Variants in FAM149A observed in about 807,000 individuals in gnomAD.
FAM149A encodes the protein protein FAM149A.
In FAM149A, 71 loss-of-function variants were observed where a neutral mutation model predicts 78.2. The observed-to-expected ratio is 0.91, with a 90% CI of 0.75 to 1.11. FAM149A has a LOEUF of 1.11. Ranked by LOEUF, FAM149A falls within the 50% of genes least tolerant of loss-of-function variation. The probability of loss-of-function intolerance (pLI) is 0.00; values close to 1 mark genes in which losing one functional copy is unlikely to be tolerated. For missense variants in FAM149A, 1,036 were observed against 971.0 expected, an observed-to-expected ratio of 1.07 and a Z score of -0.89; for synonymous variants, 446 against 410.5, an observed-to-expected ratio of 1.09 and a Z score of -1.04.
intron 1 of FAM149A, chr4:186,110,033 C>G (rs1044083954): frequency 1.0e-6 from 1 of 985,296 alleles, no homozygotes; most frequent in Non-Finnish European, 1.2e-6. Context: ...TAGCCCTTGT[C>G]TTTTCCTCCA....
At position 186,156,001 on chromosome 4, in the gene FAM149A, G is replaced by T; in HGVS notation, c.1231G>T (p.Asp411Tyr). The T allele has an allele frequency of 6.2e-7, 1 of 1,609,674 alleles. No individual in the cohort carries two copies. The change falls in exon 7 of 14, where the codon GAT (aspartate) becomes TAT (tyrosine). Residue 411 changes from aspartate (D) to tyrosine (Y), a missense_variant and splice_region_variant. Around this residue, in one of 3 missense-constraint regions of FAM149A, gnomAD observed 716 missense variants for 711.8 expected, o/e 1.01. Coordinates refer to ENST00000389354, the MANE Select transcript of FAM149A (RefSeq NM_001367768.3). ...ATTGGAGTGGGTTTTTATTCTTAGT[G>T]ATGATGAATGTCTTGAACAAAAACC...
Position 186,144,698 on chromosome 4 carries a change from A to T in FAM149A, c.567-4475A>T. On this transcript the variant is annotated intron_variant, in intron 1 of 13. Coordinates refer to ENST00000389354, the MANE Select transcript of FAM149A (RefSeq NM_001367768.3). The surrounding 1 kb of genome is among the most constrained non-coding windows in gnomAD (Gnocchi z 4.2). Reference sequence around the variant, plus strand: ...AACCCGGCCCGGCAGGGAGCGGGGAAGGCGCGCTTTCCCGGAGGTCGGCGC... The same window carrying T: ...AACCCGGCCCGGCAGGGAGCGGGGATGGCGCGCTTTCCCGGAGGTCGGCGC... The T allele has an allele frequency of 1.7e-6, 1 of 578,790 alleles. No individual in the cohort carries two copies. Among genetic ancestry groups the T allele is most frequent in the Non-Finnish European group, 2.2e-6 (1 of 458,568 alleles). The allele number at this position is 578,790 out of a possible 1,614,324, so 35.9% of individuals were successfully genotyped here. A position where few individuals can be genotyped will look rare whatever the true frequency, so the allele number is the denominator to read the frequency against.
chr4:186,150,413 CTT>C (rs750482571), intron 3 of FAM149A, among the ~76,000 whole-genome samples: 107 of 84,244 alleles, frequency 1.3e-3, no homozygotes, highest in African/African-American at 5.7e-3. Flanking sequence ...CTCTCTGTCT[CTT>C]TTTTTTTTTT....
intron 7 of FAM149A, among the ~76,000 whole-genome samples, chr4:186,156,979 A>G (rs989608964): frequency 1.3e-5 from 2 of 152,190 alleles, no homozygotes; most frequent in East Asian, 1.9e-4. Flanking sequence ...AGCAGTGCAT[A>G]TGCAGTCTGG....
Position 186,164,609 on chromosome 4 carries a change from C to A in FAM149A, c.1890-735C>A. On this transcript the variant is annotated intron_variant, in intron 10 of 13. Transcript: ENST00000389354. This position sits in a 1 kb window ranked among gnomAD's most constrained non-coding sequence, Gnocchi z 4.0. The stretch of plus-strand genomic sequence containing the variant: ...TGCTGATTCCTTCGAGATCCCTCTC[C>A]CTCCTCCGCCTCGCTTCCCCCCATG... 2.3e-6 allele frequency: 1 copy of A among 439,218 alleles called. No individual in the cohort carries two copies. Among genetic ancestry groups the A allele is most frequent in the Middle Eastern group, 1.2e-3 (1 of 856 alleles). The allele number at this position is 439,218 out of a possible 1,614,324, so 27.2% of individuals were successfully genotyped here.
At chr4:186,136,290 ATTC>A (rs1286916956) in intron 1 of FAM149A, among the ~76,000 whole-genome samples, 8 of 152,204 alleles carry the variant, frequency 5.3e-5, no homozygotes, top group Non-Finnish European at 8.8e-5. Flanking sequence ...TTTTTAGATT[ATTC>A]TTTTTTCACT....
Position 186,108,082 on chromosome 4 carries a change from G to C in FAM149A, c.566+2440G>C, listed in dbSNP as rs867689075. Among the ~76,000 whole-genome samples, 16 of 152,120 alleles carry C rather than the reference G, an allele frequency of 1.1e-4. 1 individual carries two copies. Among genetic ancestry groups the C allele is most frequent in the Admixed American group, 9.2e-4 (14 of 15,268 alleles). Reference sequence around the variant, plus strand: ...TATAACACCGAATAAACAAACATAAGACAATGAATTTAAATTTGCTCCTAC... The same window carrying C: ...TATAACACCGAATAAACAAACATAACACAATGAATTTAAATTTGCTCCTAC... On this transcript the variant is annotated intron_variant, in intron 1 of 13. Transcript: ENST00000389354.
At chr4:186,133,619 T>TTTGGG (rs2099321675) in intron 1 of FAM149A, among the ~76,000 whole-genome samples, 1 of 152,216 alleles carries the variant, frequency 6.6e-6, no homozygotes, top group African/African-American at 2.4e-5. Flanking sequence ...TTGATGGACA[T>TTTGGG]TTGGGTTGCT....
intron 1 of FAM149A, among the ~76,000 whole-genome samples, chr4:186,131,201 A>G (rs1284014737): frequency 6.6e-6 from 1 of 152,296 alleles, no homozygotes; most frequent in South Asian, 2.1e-4. Flanking sequence ...TACAAAAATT[A>G]GCCAGGTGTG....
chr4:186,167,511 CAA>C (rs55700071), intron 13 of FAM149A: 134,618 of 274,490 alleles, frequency 0.49, 29,266 homozygotes, highest in Non-Finnish European at 0.53. Context: ...GGGCCTCACT[CAA>C]AAAAAAAAAA....
intron 1 of FAM149A, among the ~76,000 whole-genome samples, chr4:186,133,982 T>C (rs1372815337): frequency 6.6e-6 from 1 of 152,226 alleles, no homozygotes; most frequent in African/African-American, 2.4e-5. Context: ...ATTCTTTCAG[T>C]GTATACCAAG....
chr4:186,121,959 C>G (rs549118503), intron 1 of FAM149A, among the ~76,000 whole-genome samples: 3 of 152,304 alleles, frequency 2.0e-5, no homozygotes, highest in African/African-American at 7.2e-5. Flanking sequence ...CAACCCAGAT[C>G]CAGCCCCATG....
At chr4:186,133,603 C>A (rs1372494581) in intron 1 of FAM149A, among the ~76,000 whole-genome samples, 1 of 152,138 alleles carries the variant, frequency 6.6e-6, no homozygotes, top group African/African-American at 2.4e-5. Flanking sequence ...TTTATCCATT[C>A]TTCTGTTGAT....
intron 1 of FAM149A, chr4:186,146,449 G>T: frequency 1.0e-6 from 1 of 985,346 alleles, no homozygotes; most frequent in African/African-American, 1.7e-5. Flanking sequence ...GTCCTGGAAA[G>T]GATGTGGTGT....
Position 186,144,902 on chromosome 4 carries a change from G to T in FAM149A, c.567-4271G>T. 1.0e-6 allele frequency: 1 copy of T among 972,198 alleles called. No homozygotes were observed. The highest frequency in any genetic ancestry group is 1.2e-6 in the Non-Finnish European group (1 of 823,416). The allele number at this position is 972,198 out of a possible 1,614,324, so 60.2% of individuals were successfully genotyped here. ...CGCGGACCCCGGGCGCGCCCGGGCC[G>T]CCTGAGCTGGGCCAGCCGCGCGGCG... On this transcript the variant is annotated intron_variant, in intron 1 of 13. Coordinates refer to ENST00000389354, the MANE Select transcript of FAM149A (RefSeq NM_001367768.3). The surrounding 1 kb of genome is among the most constrained non-coding windows in gnomAD (Gnocchi z 4.2).
intron 8 of FAM149A, 194 bp downstream of exon 8, chr4:186,157,913 C>A (rs767466681): frequency 6.5e-7 from 1 of 1,533,350 alleles, no homozygotes; most frequent in African/African-American, 1.4e-5. Flanking sequence ...GAGACCTGGA[C>A]GTCCTGCCTA....
chr4:186,158,467 T>C, intron 8 of FAM149A: 1 of 1,118,710 alleles, frequency 8.9e-7, no homozygotes. Flanking sequence ...CCCATGGGAG[T>C]CCACGCCTGA....
chr4:186,158,899 A>G, intron 8 of FAM149A: 1 of 628,056 alleles, frequency 1.6e-6, no homozygotes, highest in Non-Finnish European at 2.0e-6. Flanking sequence ...GATGGAAAAT[A>G]AACATCAGTT....
chr4:186,173,703 C>G lies in FAM149A; in HGVS notation c.*1716C>G, dbSNP rs1735640114. 8.9e-6 allele frequency among the ~76,000 whole-genome samples: 1 copy of G among 111,926 alleles called. No individual in the cohort carries two copies. The allele number at this position is 111,926 out of a possible 152,430, so 73.4% of individuals were successfully genotyped here. A position where few individuals can be genotyped will look rare whatever the true frequency, so the allele number is the denominator to read the frequency against. On this transcript the variant is annotated 3_prime_UTR_variant, in exon 14 of 14. Coordinates refer to ENST00000389354, the MANE Select transcript of FAM149A (RefSeq NM_001367768.3). ...AATGAGACACATTAGGCAGCAGCAG[C>G]AGCAGCAGCAGCAGCGACCACCAGG...
Sources: allele counts gnomAD v4.1 joint callset (sites outside exome capture counted in the v4.1 genomes callset), GRCh38; gene constraint gnomAD v4.1.1; regional missense constraint gnomAD v4.1.1; non-coding constraint Gnocchi (gnomAD v3.1); transcripts MANE v1.5; gene names NCBI Gene and HGNC (gene_info 2026-07-23, HGNC 2026-07-21).